The following FBXO24 variants were observed in gnomAD, a reference collection of about 807,000 sequenced individuals.
FBXO24 encodes the protein F-box only protein 24.
A neutral mutation model predicts 63.5 loss-of-function variants in FBXO24; 30 were observed. The ratio of observed to expected loss-of-function variants is 0.47; its 90% CI spans 0.35 to 0.64. The LOEUF (loss-of-function observed/expected upper bound fraction) is 0.64. FBXO24 is among the 30% of genes least tolerant of loss of function. FBXO24 has a pLI of 0.00. For missense variants in FBXO24, 624 were observed against 763.4 expected (o/e 0.82, Z 2.15); for synonymous variants, 300 against 305.0 (o/e 0.98, Z 0.17).
chr7:100,591,598 C>T, intron 3 of FBXO24, 69 bp from the exon 4 acceptor site: 2 of 1,462,636 alleles, frequency 1.4e-6, no homozygotes, highest in South Asian at 2.3e-5. Context: ...AAGAAATCTA[C>T]CCAAGCTCCA....
chr7:100,600,224 G>A lies in FBXO24; in HGVS notation c.1377+23G>A. ...AAGGTCAGAGCGGGGTCAGGAGAGT[G>A]GGCACCCAGGGAGGATGAGAGCCAT... On this transcript the variant is annotated intron_variant, in intron 9 of 9. Coordinates refer to ENST00000241071, the MANE Select transcript of FBXO24 (RefSeq NM_033506.3). This position sits in a 1 kb window ranked among gnomAD's most constrained non-coding sequence, Gnocchi z 6.3. 6.7e-7 allele frequency: 1 copy of A among 1,501,930 alleles called. No individual in the cohort carries two copies. Among genetic ancestry groups the A allele is most frequent in the Non-Finnish European group, 8.9e-7 (1 of 1,120,278 alleles). The allele number at this position is 1,501,930 out of a possible 1,614,324, so 93.0% of individuals were successfully genotyped here. A position where few individuals can be genotyped will look rare whatever the true frequency, so the allele number is the denominator to read the frequency against.
chr7:100,600,148 C>T lies in FBXO24; in HGVS notation c.1324C>T (p.Arg442Cys), dbSNP rs745963516. The change falls in exon 9 of 10, where the codon CGC becomes TGC. Residue 442 changes from arginine to cysteine, a missense_variant. By Grantham distance (180) the Arg-to-Cys change is radical. Transcript: ENST00000241071. The surrounding 1 kb of genome is among the most constrained non-coding windows in gnomAD (Gnocchi z 6.3). ...LLGCGCGAGG[R>C]LPGWPKGSAS... Reference sequence around the variant, plus strand: ...GGGCTGCGGCTGTGGGGCTGGGGGCCGCCTCCCAGGCTGGCCCAAGGGGAG... The same window carrying T: ...GGGCTGCGGCTGTGGGGCTGGGGGCTGCCTCCCAGGCTGGCCCAAGGGGAG... 4 of 1,592,616 alleles carry T rather than the reference C, an allele frequency of 2.5e-6. No homozygotes were observed. Among genetic ancestry groups the T allele is most frequent in the South Asian group, 1.1e-5 (1 of 87,846 alleles).
intron 1 of FBXO24, 158 bp from the exon 2 acceptor site, chr7:100,589,819 C>G (rs780648736): frequency 1.6e-4 from 238 of 1,513,504 alleles, no homozygotes; most frequent in Non-Finnish European, 2.0e-4. Flanking sequence ...CGCAGGAGAT[C>G]GGGAGGAGTT....
At chr7:100,586,763 G>C (rs747009009) in intron 1 of FBXO24, 99 bp downstream of exon 1, 5 of 1,340,758 alleles carry the variant, frequency 3.7e-6, no homozygotes, top group South Asian at 1.2e-5. Flanking sequence ...CGAGCTGGAC[G>C]TGTTAGGGGG....
At position 100,594,292 on chromosome 7, in the gene FBXO24, G is replaced by T. The variant is rs1043756436; in HGVS notation, c.794-91G>T. The T allele has an allele frequency of 1.5e-4, 212 of 1,425,766 alleles. No individual in the cohort carries two copies. The East Asian group carries it at 5.2e-3, about 35-fold the overall frequency. The allele number at this position is 1,425,766 out of a possible 1,614,324, so 88.3% of individuals were successfully genotyped here. On this transcript the variant is annotated intron_variant, in intron 5 of 9. Transcript: ENST00000241071. The surrounding 1 kb of genome is among the most constrained non-coding windows in gnomAD (Gnocchi z 4.2). ...TCAGCCCCACTCTAGGGCAGTAAAT[G>T]TGTCACCCATATGGCCTAGGGAGTC...
intron 4 of FBXO24, 77 bp from the exon 5 acceptor site, chr7:100,592,706 C>A: frequency 1.7e-6 from 2 of 1,150,720 alleles, no homozygotes; most frequent in Non-Finnish European, 1.3e-6. Flanking sequence ...TTTCACTTCC[C>A]ACCCCAGGAT....
Position 100,591,815 on chromosome 7 carries a change from C to T in FBXO24, c.471C>T (p.Phe157=), listed in dbSNP as rs759620146. 4 of 1,614,250 alleles carry T rather than the reference C, an allele frequency of 2.5e-6. No homozygotes were observed. The highest frequency in any genetic ancestry group is 2.5e-6 in the Non-Finnish European group (3 of 1,180,040). Reference sequence around the variant, plus strand: ...TTGACTACGTGGGGACCCTCTTCTTCCTCAAAAATGCCCTGGTCTCCACCC... The same window carrying T: ...TTGACTACGTGGGGACCCTCTTCTTTCTCAAAAATGCCCTGGTCTCCACCC... The part of the protein sequence containing the change: ...FILDYVGTLF[F]LKNALVSTLG... Residue 157 remains phenylalanine, a synonymous_variant, in exon 4 of 10, where the codon TTC becomes TTT. Coordinates refer to ENST00000241071, the MANE Select transcript of FBXO24 (RefSeq NM_033506.3).
At chr7:100,596,443 G>C (rs1802313352) in intron 8 of FBXO24, among the ~76,000 whole-genome samples, 2 of 152,182 alleles carry the variant, frequency 1.3e-5, no homozygotes, top group Non-Finnish European at 1.5e-5. Context: ...GGCATCTTGG[G>C]AATCACTGAG....
chr7:100,595,165 T>C lies in FBXO24; in HGVS notation c.1016T>C (p.Leu339Pro). The change falls in exon 7 of 10, where the codon CTT (leucine) becomes CCT (proline). Residue 339 changes from leucine (L) to proline (P), a missense_variant. By Grantham distance (98) the Leu-to-Pro change is moderately conservative. Transcript: ENST00000241071. ...PGVYRDLFGT[L>P]QAFDPLDQQM... ...GTGTATCGCGATCTCTTTGGGACCCTTCAAGCCTTTGACCCCCTGGACCAG... is the reference window on the plus strand; with the variant it reads ...GTGTATCGCGATCTCTTTGGGACCCCTCAAGCCTTTGACCCCCTGGACCAG... 1 of 1,614,096 alleles carries C rather than the reference T, an allele frequency of 6.2e-7. No individual in the cohort carries two copies.
At position 100,586,488 on chromosome 7, in the gene FBXO24, G is replaced by A. The variant is rs772372028; in HGVS notation, c.-138G>A. 20 of 873,586 alleles carry A rather than the reference G, an allele frequency of 2.3e-5. No homozygotes were observed. Among genetic ancestry groups the A allele is most frequent in the Non-Finnish European group, 3.7e-5 (20 of 537,286 alleles). 54.1% of individuals were successfully genotyped at this position (873,586 alleles called of 1,614,324 possible). A position where few individuals can be genotyped will look rare whatever the true frequency, so the allele number is the denominator to read the frequency against. On this transcript the variant is annotated 5_prime_UTR_variant, in exon 1 of 10. Coordinates refer to ENST00000241071, the MANE Select transcript of FBXO24 (RefSeq NM_033506.3). ...AAACGGGCCGAGGGACCGCAAGCAG[G>A]GGGTGCCTAGTCCTCGTCCCCCAAA... is the stretch of plus-strand genomic sequence containing the variant.
At chr7:100,586,997 C>T (rs1243044292) in intron 1 of FBXO24, among the ~76,000 whole-genome samples, 1 of 152,234 alleles carries the variant, frequency 6.6e-6, no homozygotes, top group Non-Finnish European at 1.5e-5. Context: ...TCTGCCGTCT[C>T]ACCCGAGGAG....
In FBXO24 at chr7:100,600,926, G is replaced by A. The variant is rs1244634064; in HGVS notation, c.*27G>A. ...CCCCCTCATGCTAGCCTAGTCCCTG[G>A]AGGAGGGAGTCCGGCCCCAGGCCAG... is the stretch of plus-strand genomic sequence containing the variant. On this transcript the variant is annotated 3_prime_UTR_variant, in exon 10 of 10. Coordinates refer to ENST00000241071, the MANE Select transcript of FBXO24 (RefSeq NM_033506.3). This position sits in a 1 kb window ranked among gnomAD's most constrained non-coding sequence, Gnocchi z 6.3. 2 of 1,597,116 alleles carry A rather than the reference G, an allele frequency of 1.3e-6. No individual in the cohort carries two copies. The highest frequency in any genetic ancestry group is 2.2e-5 in the East Asian group (1 of 44,722).
chr7:100,595,842 G>A, intron 8 of FBXO24, 136 bp downstream of exon 8: 1 of 1,225,604 alleles, frequency 8.2e-7, no homozygotes, highest in Non-Finnish European at 1.1e-6. Context: ...AGTATGTAAT[G>A]CCAGTGGTAC....
At chr7:100,589,321 A>T in intron 1 of FBXO24, 1 of 943,020 alleles carries the variant, frequency 1.1e-6, no homozygotes, top group Non-Finnish European at 1.3e-6. Context: ...GGAATTCACT[A>T]GTGTTTCTCT....
Position 100,590,222 on chromosome 7 carries a change from G to A in FBXO24, c.187G>A (p.Gly63Ser), listed in dbSNP as rs774770160. 16 of 1,613,894 alleles carry A rather than the reference G, an allele frequency of 9.9e-6. No homozygotes were observed. Among genetic ancestry groups the A allele is most frequent in the East Asian group, 4.5e-5 (2 of 44,872 alleles). ...CCCAGTCAGAGACCTTGTTGCCCTC[G>A]GCCAGACCTGCCGCTACTTCCACGA... is the stretch of plus-strand genomic sequence containing the variant. ...FLPVRDLVAL[G>S]QTCRYFHEVC... Residue 63 changes from glycine (G) to serine (S), a missense_variant, in exon 3 of 10, where the codon GGC (glycine) becomes AGC (serine). This residue lies in a region of FBXO24 where 391 missense variants were observed against 469.1 expected (regional missense o/e 0.83). Coordinates refer to ENST00000241071, the MANE Select transcript of FBXO24 (RefSeq NM_033506.3).
rs779913369 is a variant in FBXO24, at chr7:100,595,705, A to G, written c.1205A>G (p.Gln402Arg). ...AAAATGGACCGAGGGGAACCCACAC[A>G]GGTGAGACTATTTCCCAGCAACTCT... ...GDKMDRGEPT[Q>R]VCYLQRPITL... Residue 402 changes from glutamine (Q) to arginine (R), a missense_variant and splice_region_variant, in exon 8 of 10, where the codon CAG (glutamine) becomes CGG (arginine). Physicochemically the swap from Gln to Arg is conservative, Grantham distance 43 (BLOSUM62 1). This residue lies in a region of FBXO24 where 216 missense variants were observed against 245.2 expected (regional missense o/e 0.88). Coordinates refer to ENST00000241071, the MANE Select transcript of FBXO24 (RefSeq NM_033506.3). 15 of 1,596,278 alleles carry G rather than the reference A, an allele frequency of 9.4e-6. No homozygotes were observed. In the Admixed American group the frequency reaches 2.4e-4, roughly 26 times the overall value.
rs1244635671 is a variant in FBXO24, at chr7:100,595,629, C to T, written c.1129C>T (p.Arg377Ter). The T allele has an allele frequency of 5.6e-6, 9 of 1,613,038 alleles. No individual in the cohort carries two copies. The highest frequency in any genetic ancestry group is 4.5e-5 in the East Asian group (2 of 44,874). ...CCTTGGCCTGGTGGATGAATTTGGC[C>T]GAATCTTCATGCAAGGAAATAACAG... ...NHLGLVDEFG[R>*]IFMQGNNRYG... The change falls in exon 8 of 10, where the codon CGA (arginine) becomes TGA (stop). Residue 377 changes from arginine (R) to a stop codon, truncating the protein, a stop_gained. Coordinates refer to ENST00000241071, the MANE Select transcript of FBXO24 (RefSeq NM_033506.3). LOFTEE classifies it high-confidence loss of function.
At chr7:100,593,106 C>A in intron 5 of FBXO24, 89 bp downstream of exon 5, 1 of 1,082,744 alleles carries the variant, frequency 9.2e-7, no homozygotes, top group Non-Finnish European at 1.4e-6. Flanking sequence ...GCCCCTCAGA[C>A]TGGGTTCCAT....
chr7:100,600,397 C>A lies in FBXO24; in HGVS notation c.1378-137C>A, dbSNP rs1378097763. 23 of 1,477,198 alleles carry A rather than the reference C, an allele frequency of 1.6e-5. No individual in the cohort carries two copies. Among genetic ancestry groups the A allele is most frequent in the Non-Finnish European group, 2.0e-5 (22 of 1,101,312 alleles). 91.5% of individuals were successfully genotyped at this position (1,477,198 alleles called of 1,614,324 possible). ...AGACTGTGCTGGCCTTGCCCAACCT[C>A]ACACACCCCTGGGACTTAGCCGGCT... On this transcript the variant is annotated intron_variant, in intron 9 of 9. Transcript: ENST00000241071. The surrounding 1 kb of genome is among the most constrained non-coding windows in gnomAD (Gnocchi z 6.3).
Sources: allele counts gnomAD v4.1 joint callset (sites outside exome capture counted in the v4.1 genomes callset), GRCh38; gene constraint gnomAD v4.1.1; regional missense constraint gnomAD v4.1.1; non-coding constraint Gnocchi (gnomAD v3.1); transcripts MANE v1.5; gene names NCBI Gene and HGNC (gene_info 2026-07-23, HGNC 2026-07-21).